Variants in COIL observed in about 807,000 individuals in gnomAD.
COIL encodes coilin, also known as coilin p80.
In COIL, 28 loss-of-function variants were observed where a neutral mutation model predicts 51.6. The observed-to-expected ratio is 0.54, with a 90% confidence interval of 0.40 to 0.74. The LOEUF (loss-of-function observed/expected upper bound fraction) is 0.74. COIL is among the 30% of genes least tolerant of loss of function. The probability of loss-of-function intolerance (pLI) is 0.00; values close to 1 mark genes in which losing one functional copy is unlikely to be tolerated. For missense variants in COIL, 667 were observed against 685.9 expected, an observed-to-expected ratio of 0.97 and a Z score of 0.31; for synonymous variants, 233 against 255.8, an observed-to-expected ratio of 0.91 and a Z score of 0.85.
chr17:56,950,379 T>C lies in COIL; in HGVS notation c.863A>G (p.Asn288Ser), dbSNP rs1910337693. The C allele has an allele frequency of 3.1e-6, 5 of 1,614,052 alleles. No homozygotes were observed. In the African/African-American group the frequency reaches 4.0e-5, roughly 13 times the overall value. ...TATAGCCAGTTTGTCTGCAGTTGTA[T>C]TTTTGGTAGAGGGTTCTTCCTTTGA... ...ELSKEEPSTKNTTADKLAIKL... is the reference protein window; with the variant it reads ...ELSKEEPSTKSTTADKLAIKL... The change falls in exon 2 of 7, where the codon AAT (asparagine) becomes AGT (serine). Residue 288 changes from asparagine to serine, a missense_variant. By Grantham distance (46) the Asn-to-Ser change is conservative (BLOSUM62 1). Coordinates refer to ENST00000240316, the MANE Select transcript of COIL (RefSeq NM_004645.3).
chr17:56,948,332 G>A (rs1374895348), intron 4 of COIL, among the ~76,000 whole-genome samples: 1 of 151,484 alleles, frequency 6.6e-6, no homozygotes, highest in East Asian at 1.9e-4. Context: ...CTAGAGACGG[G>A]GTTTCACTGT....
Position 56,950,263 on chromosome 17 carries a change from A to G in COIL, c.979T>C (p.Cys327Arg). Reference protein sequence around the residue: ...SDSSAESDDQCLMSSSTPECA... With the variant: ...SDSSAESDDQRLMSSSTPECA... ...TCCGGGGTGCTCGATGACATCAAGC[A>G]TTGGTCGTCTGACTCTGCACTAGAG... The change falls in exon 2 of 7, where the codon TGC becomes CGC. Residue 327 changes from cysteine to arginine, a missense_variant. By Grantham distance (180) the Cys-to-Arg change is radical (BLOSUM62 -3). Coordinates refer to ENST00000240316, the MANE Select transcript of COIL (RefSeq NM_004645.3). 4 of 1,614,200 alleles carry G rather than the reference A, an allele frequency of 2.5e-6. No individual in the cohort carries two copies. The highest frequency in any genetic ancestry group is 2.2e-5 in the South Asian group (2 of 91,088).
intron 1 of COIL, among the ~76,000 whole-genome samples, chr17:56,959,217 G>A (rs562502181): frequency 1.3e-5 from 2 of 152,196 alleles, no homozygotes; most frequent in East Asian, 3.9e-4. Flanking sequence ...TGGTTGCCTG[G>A]CCTGAAGTCC....
At chr17:56,948,515 A>G (rs1001673192) in intron 4 of COIL, among the ~76,000 whole-genome samples, 2 of 152,092 alleles carry the variant, frequency 1.3e-5, no homozygotes, top group Non-Finnish European at 2.9e-5. Flanking sequence ...CTTGTATTTT[A>G]TCTATGTTAC....
chr17:56,953,410 CAAAAAA>C (rs11382949), intron 1 of COIL, among the ~76,000 whole-genome samples: 1 of 84,492 alleles, frequency 1.2e-5, no homozygotes, highest in African/African-American at 4.5e-5. Context: ...GACTCCGTCT[CAAAAAA>C]AAAAAAAAAA....
intron 1 of COIL, chr17:56,952,231 A>C: frequency 2.0e-6 from 1 of 501,440 alleles, no homozygotes; most frequent in Non-Finnish European, 4.0e-6. Flanking sequence ...CAAGTATGGA[A>C]TAATCAGCCT....
chr17:56,959,165 C>T (rs781683330), intron 1 of COIL, among the ~76,000 whole-genome samples: 9 of 151,836 alleles, frequency 5.9e-5, no homozygotes, highest in African/African-American at 9.7e-5. Flanking sequence ...GGCAACATGG[C>T]GAAACCCTGT....
At chr17:56,939,717 G>T (rs989094566) in intron 6 of COIL, among the ~76,000 whole-genome samples, 2 of 152,158 alleles carry the variant, frequency 1.3e-5, no homozygotes, top group African/African-American at 4.8e-5. Flanking sequence ...TCCAGCCTGG[G>T]TGACAGAGTG....
intron 1 of COIL, among the ~76,000 whole-genome samples, chr17:56,953,151 C>T (rs190158371): frequency 6.6e-6 from 1 of 152,070 alleles, no homozygotes; most frequent in East Asian, 1.9e-4. Context: ...GTGGCTCACG[C>T]CTGTAATCCC....
chr17:56,955,648 G>A lies in COIL; in HGVS notation c.246-4652C>T, dbSNP rs145019599. 9.3e-3 allele frequency among the ~76,000 whole-genome samples: 1,421 copies of A among 152,252 alleles called. 11 individuals are homozygous for A. Among genetic ancestry groups the A allele is most frequent in the Non-Finnish European group, 0.015 (1,048 of 68,024 alleles). On this transcript the variant is annotated intron_variant, in intron 1 of 6. Coordinates refer to ENST00000240316, the MANE Select transcript of COIL (RefSeq NM_004645.3). ...AATGACAATAATTACAGTACTCAGT[G>A]ACTTATTATGCAGAGAGAGCATGCC...
At position 56,960,835 on chromosome 17, in the gene COIL, T is replaced by A; in HGVS notation, c.185A>T (p.Glu62Val). The A allele has an allele frequency of 1.3e-6, 2 of 1,569,474 alleles. No individual in the cohort carries two copies. Among genetic ancestry groups the A allele is most frequent in the Non-Finnish European group, 1.7e-6 (2 of 1,159,214 alleles). ...CTCGGCGGGGGGCAAGAGCCCCCCC[T>A]CCAGGTAGAGGCCTAGGAAGGCCCC... ...SSGAFLGLYL[E>V]GGLLPPAESA... The change falls in exon 1 of 7, where the codon GAG becomes GTG. Residue 62 changes from glutamate (E) to valine (V), a missense_variant. Coordinates refer to ENST00000240316, the MANE Select transcript of COIL (RefSeq NM_004645.3).
intron 1 of COIL, chr17:56,952,483 G>C (rs1910392494): frequency 3.9e-5 from 12 of 310,578 alleles, no homozygotes; most frequent in South Asian, 3.3e-4. Context: ...GTTGTTTCTG[G>C]ATGAGATTAA....
At chr17:56,949,298 C>T in intron 4 of COIL, 89 bp downstream of exon 4, 1 of 1,030,038 alleles carries the variant, frequency 9.7e-7, no homozygotes, top group Non-Finnish European at 1.4e-6. Context: ...AGTAAAAAAA[C>T]AAATCTGTAT....
chr17:56,941,447 G>A (rs1458318184), intron 6 of COIL, among the ~76,000 whole-genome samples: 2 of 152,178 alleles, frequency 1.3e-5, no homozygotes, highest in Non-Finnish European at 2.9e-5. Context: ...GCAAGCGCCT[G>A]TAATTCTAGC....
In COIL at chr17:56,950,969, A is replaced by G; in HGVS notation, c.273T>C (p.Ala91=). ...LRVKLEERGV[A]ENSVVISNGD... ...CATTACTGATGACTACAGAATTCTC[A>G]GCAACTCCTCTCTCTTCTAATTTAA... The change falls in exon 2 of 7, where the codon GCT becomes GCC. Residue 91 remains alanine (A), a synonymous_variant. Coordinates refer to ENST00000240316, the MANE Select transcript of COIL (RefSeq NM_004645.3). 1 of 1,606,836 alleles carries G rather than the reference A, an allele frequency of 6.2e-7. No homozygotes were observed. Among genetic ancestry groups the G allele is most frequent in the Non-Finnish European group, 8.5e-7 (1 of 1,179,088 alleles).
chr17:56,960,252 G>A (rs1421999209), intron 1 of COIL, among the ~76,000 whole-genome samples: 2 of 149,944 alleles, frequency 1.3e-5, no homozygotes, highest in Admixed American at 6.7e-5. Context: ...GGCAGGATGC[G>A]GTGGTGCACG....
rs1241947469 is a variant in COIL at position 56,961,026 on chromosome 17, T to G, written c.-7A>C. ...CCGTCTCGGAAGCTGCCATCTTGCT[T>G]GGTGCTCAACGGAAGCCGAGAGATA... On this transcript the variant is annotated 5_prime_UTR_variant, in exon 1 of 7. Coordinates refer to ENST00000240316, the MANE Select transcript of COIL (RefSeq NM_004645.3). 6.2e-7 allele frequency: 1 copy of G among 1,611,810 alleles called. No homozygotes were observed. The highest frequency in any genetic ancestry group is 8.5e-7 in the Non-Finnish European group (1 of 1,178,912).
rs1333923041 is a variant in COIL, at chr17:56,941,933, A to AT, written c.1647+101dup. 9 of 942,274 alleles carry AT rather than the reference A, an allele frequency of 9.6e-6. No homozygotes were observed. The East Asian group carries it at 2.2e-4, about 23-fold the overall frequency. 58.4% of individuals were successfully genotyped at this position (942,274 alleles called of 1,614,324 possible). On this transcript the variant is annotated intron_variant, in intron 6 of 6. Transcript: ENST00000240316. ...TATTGCCACACCATAAGAAGGTCAG[A>AT]TTCCCCCCAGGGCCTGTAGTGCAAT...
chr17:56,941,311 C>T lies in COIL; in HGVS notation c.1647+724G>A, dbSNP rs1910144277. On this transcript the variant is annotated intron_variant, in intron 6 of 6. Coordinates refer to ENST00000240316, the MANE Select transcript of COIL (RefSeq NM_004645.3). The stretch of plus-strand genomic sequence containing the variant: ...TGGTGGCTCACCCAGGCACGGTGGC[C>T]TGTAATCCAACACTTTGGGAGGCCT... 2 of 152,292 alleles carry T rather than the reference C, an allele frequency of 1.3e-5. 1 individual carries two copies. Among genetic ancestry groups the T allele is most frequent in the South Asian group, 4.1e-4 (2 of 4,824 alleles). 9.4% of individuals were successfully genotyped at this position (152,292 alleles called of 1,614,324 possible).
Sources: gnomAD v4.1 joint callset for allele counts (sites outside exome capture counted in the v4.1 genomes callset) on GRCh38, gnomAD v4.1.1 for gene constraint, MANE v1.5 for transcripts, NCBI Gene and HGNC (gene_info 2026-07-23, HGNC 2026-07-21) for gene names.